Variants in MMP26 observed in about 807,000 individuals in gnomAD.
The protein encoded by MMP26 is matrix metallopeptidase 26.
A neutral mutation model predicts 31.0 loss-of-function variants in MMP26; 33 were observed. That is an observed-to-expected ratio of 1.06 (90% confidence interval 0.81 to 1.42). MMP26 has a LOEUF of 1.42. Ranked by LOEUF, MMP26 falls within the 40% of genes most tolerant of loss-of-function variation. MMP26 has a pLI of 0.00. For synonymous variants in MMP26, 122 were observed against 114.9 expected, an observed-to-expected ratio of 1.06 and a Z score of -0.40; for missense variants, 347 against 316.1, an observed-to-expected ratio of 1.10 and a Z score of -0.74.
chr11:4,737,140 C>T (rs1452638776), intron 1 of MMP26: 1 of 152,112 alleles, frequency 6.6e-6, no homozygotes, highest in Non-Finnish European at 1.5e-5. Flanking sequence ...CAATAAATGT[C>T]CTAGAATGAG....
chr11:4,844,851 A>G (rs1849845938), intron 2 of MMP26, among the ~76,000 whole-genome samples: 1 of 152,194 alleles, frequency 6.6e-6, no homozygotes, highest in Admixed American at 6.5e-5. Flanking sequence ...AAAACACTAG[A>G]AGGATGTTCA....
At chr11:4,817,467 G>C (rs1439071864) in intron 2 of MMP26, among the ~76,000 whole-genome samples, 2 of 152,082 alleles carry the variant, frequency 1.3e-5, no homozygotes, top group Non-Finnish European at 2.9e-5. Context: ...TGCACCTGTA[G>C]TCCAAGTTGC....
chr11:4,793,645 A>G (rs1290645691), intron 2 of MMP26: 1 of 152,210 alleles, frequency 6.6e-6, no homozygotes, highest in Non-Finnish European at 1.5e-5. Context: ...AATTACTCAC[A>G]TAGATTATTT....
chr11:4,967,437 G>A (rs1199643812), intron 2 of MMP26, among the ~76,000 whole-genome samples: 1 of 152,096 alleles, frequency 6.6e-6, no homozygotes, highest in Non-Finnish European at 1.5e-5. Flanking sequence ...ATTCTTTCAA[G>A]GCCAAGAAGC....
At chr11:4,718,137 G>A (rs1426409819) in intron 1 of MMP26, among the ~76,000 whole-genome samples, 2 of 152,166 alleles carry the variant, frequency 1.3e-5, no homozygotes, top group African/African-American at 2.4e-5. Context: ...AGACATATTG[G>A]ATCTGATTCT....
chr11:4,721,554 T>C (rs1318349896), intron 1 of MMP26, among the ~76,000 whole-genome samples: 5 of 152,236 alleles, frequency 3.3e-5, no homozygotes, highest in African/African-American at 1.2e-4. Context: ...ACTCTTTGTC[T>C]TATCTCTCAT....
At chr11:4,832,071 C>T (rs1203321844) in intron 2 of MMP26, 1 of 152,140 alleles carries the variant, frequency 6.6e-6, no homozygotes, top group East Asian at 1.9e-4. Flanking sequence ...CAATTAAAAA[C>T]TTTTATCTAT....
chr11:4,918,802 C>G (rs1487017867), intron 2 of MMP26, among the ~76,000 whole-genome samples: 2 of 152,178 alleles, frequency 1.3e-5, no homozygotes, highest in Non-Finnish European at 2.9e-5. Context: ...ATAGACCACA[C>G]TTTGTGATCA....
At position 4,945,928 on chromosome 11, in the gene MMP26, A is replaced by G. The variant is rs112134846; in HGVS notation, c.-144-42140A>G. ...TTGTAATTTGTTGCTTGTATCGGAG[A>G]TGCTATCATAAGACATTTATTTTTA... On this transcript the variant is annotated intron_variant, in intron 2 of 7. Coordinates refer to ENST00000380390, the MANE Select transcript of MMP26 (RefSeq NM_021801.5). 832 of 528,782 alleles carry G rather than the reference A, an allele frequency of 1.6e-3. 5 individuals are homozygous for G. The highest frequency in any genetic ancestry group is 0.014 in the African/African-American group (736 of 51,822). 32.8% of individuals were successfully genotyped at this position (528,782 alleles called of 1,614,324 possible).
rs11424778 is a variant in MMP26 at position 4,941,784 on chromosome 11, C to CTT, written c.-144-46277_-144-46276dup. Among the ~76,000 whole-genome samples, 33 of 150,778 alleles carry CTT rather than the reference C, an allele frequency of 2.2e-4. No homozygotes were observed. The South Asian group carries it at 3.6e-3, about 16-fold the overall frequency. On this transcript the variant is annotated intron_variant, in intron 2 of 7. Transcript: ENST00000380390. The stretch of plus-strand genomic sequence containing the variant: ...ATAAGCAAACTGTTTGCTGCAGGTT[C>CTT]TTTTTTTTAAAGTAAAACCTGCTAG...
chr11:4,983,637 G>T (rs751461468), intron 2 of MMP26, among the ~76,000 whole-genome samples: 3 of 152,158 alleles, frequency 2.0e-5, no homozygotes, highest in Non-Finnish European at 4.4e-5. Context: ...AGCATAGATG[G>T]GGGTGAGAGG....
At chr11:4,975,301 C>T (rs899215296) in intron 2 of MMP26, among the ~76,000 whole-genome samples, 1 of 151,908 alleles carries the variant, frequency 6.6e-6, no homozygotes, top group Non-Finnish European at 1.5e-5. Flanking sequence ...TGGCTAATAC[C>T]AGTATGATGG....
In MMP26 at chr11:4,933,565, G is replaced by GGT. The variant is rs1554892114; in HGVS notation, c.-144-54503_-144-54502insGT. Among the ~76,000 whole-genome samples, 258 of 149,494 alleles carry GGT rather than the reference G, an allele frequency of 1.7e-3. 2 individuals are homozygous for GGT. Among genetic ancestry groups the GGT allele is most frequent in the African/African-American group, 6.2e-3 (250 of 40,332 alleles). ...TTTGTTTTTGTTTTTTGTTTGTTTT[G>GGT]TTTTTTTTATTTTTATTTTTATTAT... On this transcript the variant is annotated intron_variant, in intron 2 of 7. Transcript: ENST00000380390.
chr11:4,898,523 G>C (rs1271352972), intron 2 of MMP26, among the ~76,000 whole-genome samples: 1 of 151,982 alleles, frequency 6.6e-6, no homozygotes, highest in African/African-American at 2.4e-5. Context: ...GCAGAAAATT[G>C]TTCTTTTCAG....
At chr11:4,799,692 A>T (rs1304029189) in intron 2 of MMP26, among the ~76,000 whole-genome samples, 1 of 152,168 alleles carries the variant, frequency 6.6e-6, no homozygotes, top group Non-Finnish European at 1.5e-5. Flanking sequence ...TCTGGGACTC[A>T]TCTCCTTTCA....
intron 2 of MMP26, among the ~76,000 whole-genome samples, chr11:4,928,747 C>T (rs984596486): frequency 5.9e-5 from 9 of 152,132 alleles, no homozygotes; most frequent in African/African-American, 2.2e-4. Context: ...TCTGCTGCAG[C>T]TTCATCTAGC....
intron 2 of MMP26, among the ~76,000 whole-genome samples, chr11:4,927,458 G>C (rs1157452621): frequency 6.6e-6 from 1 of 152,084 alleles, no homozygotes; most frequent in African/African-American, 2.4e-5. Flanking sequence ...GCTAGGACTA[G>C]AACCACAGGT....
chr11:4,774,100 A>G (rs1848761149), intron 2 of MMP26, among the ~76,000 whole-genome samples: 1 of 152,204 alleles, frequency 6.6e-6, no homozygotes, highest in African/African-American at 2.4e-5. Flanking sequence ...CAATGAACAT[A>G]CATGTACATG....
At chr11:4,915,492 G>T (rs143406644) in intron 2 of MMP26, 4 of 1,614,124 alleles carry the variant, frequency 2.5e-6, no homozygotes, top group Non-Finnish European at 3.4e-6. Context: ...TGAAGTGAGC[G>T]CTCTGTTTTA....
Sources: allele counts gnomAD v4.1 joint callset (sites outside exome capture counted in the v4.1 genomes callset), GRCh38; gene constraint gnomAD v4.1.1; transcripts MANE v1.5; gene names NCBI Gene and HGNC (gene_info 2026-07-23, HGNC 2026-07-21).